The following SMARCC1 variants were observed in gnomAD, a reference collection of about 807,000 sequenced individuals.
The protein encoded by SMARCC1 is SWI/SNF related BAF chromatin remodeling complex subunit C1.
A neutral mutation model predicts 147.4 loss-of-function variants in SMARCC1; 43 were observed. The observed-to-expected ratio is 0.29, with a 90% CI of 0.23 to 0.38. The LOEUF (loss-of-function observed/expected upper bound fraction) is 0.38, where lower values mean the gene tolerates loss of function less well. Among genes scored for constraint, SMARCC1 ranks in the 10% least tolerant of loss-of-function variants. The probability of loss-of-function intolerance (pLI) is 1.00; values close to 1 mark genes in which losing one functional copy is unlikely to be tolerated. For synonymous variants in SMARCC1, 495 were observed against 484.4 expected (o/e 1.02, Z -0.29); for missense variants, 1,119 against 1,381.1 (o/e 0.81, Z 3.01).
At chr3:47,641,224 T>C (rs970572400) in intron 21 of SMARCC1, among the ~76,000 whole-genome samples, 1 of 152,210 alleles carries the variant, frequency 6.6e-6, no homozygotes, top group African/African-American at 2.4e-5. Context: ...TGGTGGCTCA[T>C]GCCTGTAATC....
intron 21 of SMARCC1, among the ~76,000 whole-genome samples, chr3:47,649,965 A>G (rs1391145115): frequency 6.6e-6 from 1 of 152,200 alleles, no homozygotes; most frequent in Non-Finnish European, 1.5e-5. Flanking sequence ...AGAATCATCG[A>G]ATGTCTTCAA....
At chr3:47,603,345 C>T (rs1482473597) in intron 26 of SMARCC1, 1 of 152,066 alleles carries the variant, frequency 6.6e-6, no homozygotes, top group Non-Finnish European at 1.5e-5. Context: ...TTGCTTTAAC[C>T]TGGGAGGTAG....
chr3:47,718,162 A>AG (rs2034181995), intron 7 of SMARCC1, among the ~76,000 whole-genome samples: 1 of 131,646 alleles, frequency 7.6e-6, no homozygotes, highest in African/African-American at 2.6e-5. Context: ...AAAAAAAAAA[A>AG]GGCCAGGCAC....
At position 47,585,941 on chromosome 3, in the gene SMARCC1, C is replaced by A. The variant is rs192429520; in HGVS notation, c.*2268G>T. ...TCACTGAAAAAGAGAGAGATTAGGCCTTCTTCATTCATTTTCTCCATTCTT... is the reference window on the plus strand; with the variant it reads ...TCACTGAAAAAGAGAGAGATTAGGCATTCTTCATTCATTTTCTCCATTCTT... On this transcript the variant is annotated 3_prime_UTR_variant, in exon 28 of 28. Coordinates refer to ENST00000254480, the MANE Select transcript of SMARCC1 (RefSeq NM_003074.4). 6.6e-6 allele frequency: 1 copy of A among 152,502 alleles called. No homozygotes were observed. The highest frequency in any genetic ancestry group is 1.5e-5 in the Non-Finnish European group (1 of 68,022). 9.4% of individuals were successfully genotyped at this position (152,502 alleles called of 1,614,324 possible).
At chr3:47,773,538 C>T (rs1238897171) in intron 1 of SMARCC1, among the ~76,000 whole-genome samples, 1 of 151,522 alleles carries the variant, frequency 6.6e-6, no homozygotes, top group African/African-American at 2.4e-5. Context: ...GGTAACACAA[C>T]AAGAAAAGAA....
At chr3:47,651,294 A>G (rs568982505) in intron 21 of SMARCC1, among the ~76,000 whole-genome samples, 5 of 152,294 alleles carry the variant, frequency 3.3e-5, no homozygotes, top group African/African-American at 1.2e-4. Flanking sequence ...ACAGAGTGAA[A>G]CCCTGTCTCA....
chr3:47,636,107 A>C lies in SMARCC1; in HGVS notation c.2406T>G (p.Asp802Glu), dbSNP rs535643457. The C allele has an allele frequency of 5.5e-5, 88 of 1,607,144 alleles. No homozygotes were observed. The highest frequency in any genetic ancestry group is 7.3e-5 in the Non-Finnish European group (86 of 1,175,096). The change falls in exon 23 of 28, where the codon GAT (aspartate) becomes GAG (glutamate). Residue 802 changes from aspartate to glutamate, a missense_variant. By Grantham distance (45) the Asp-to-Glu change is conservative. Transcript: ENST00000254480. ...KAENKVENETDEGDKAQDGEN... is the reference protein window; with the variant it reads ...KAENKVENETEEGDKAQDGEN... ...CTCCATCTTGTGCTTTATCACCTTC[A>C]TCCGTTTCATTTTCCACTTTATTTT...
chr3:47,727,106 G>C (rs564156433), intron 6 of SMARCC1, among the ~76,000 whole-genome samples: 1 of 151,852 alleles, frequency 6.6e-6, no homozygotes, highest in African/African-American at 2.4e-5. Flanking sequence ...CCAGCTACTC[G>C]GGAGGCTGAG....
intron 24 of SMARCC1, 119 bp downstream of exon 24, chr3:47,635,071 C>T: frequency 1.2e-6 from 1 of 820,740 alleles, no homozygotes; most frequent in Non-Finnish European, 2.0e-6. Flanking sequence ...AAATGCCATT[C>T]AAGCAGTCAT....
intron 8 of SMARCC1, among the ~76,000 whole-genome samples, chr3:47,712,678 C>T (rs867823881): frequency 2.0e-5 from 3 of 152,244 alleles, no homozygotes; most frequent in Non-Finnish European, 4.4e-5. Context: ...TATTTACACT[C>T]CTAATTAGAG....
intron 25 of SMARCC1, among the ~76,000 whole-genome samples, chr3:47,615,818 G>T (rs895884251): frequency 6.6e-6 from 1 of 152,116 alleles, no homozygotes; most frequent in Non-Finnish European, 1.5e-5. Context: ...TGAATAGCTG[G>T]AATTACAGGT....
intron 26 of SMARCC1, among the ~76,000 whole-genome samples, chr3:47,596,468 TGAGGC>T (rs2032283769): frequency 6.6e-6 from 1 of 151,402 alleles, no homozygotes; most frequent in Non-Finnish European, 1.5e-5. Context: ...CTCGGGAGGC[TGAGGC>T]AGGGAATTGC....
At chr3:47,664,560 G>A (rs1017675636) in intron 19 of SMARCC1, among the ~76,000 whole-genome samples, 11 of 152,108 alleles carry the variant, frequency 7.2e-5, no homozygotes, top group African/African-American at 1.4e-4. Flanking sequence ...AGGGAAAAAC[G>A]GATAGAACAG....
intron 19 of SMARCC1, among the ~76,000 whole-genome samples, chr3:47,668,448 C>T (rs983366438): frequency 1.3e-5 from 2 of 152,142 alleles, no homozygotes; most frequent in African/African-American, 2.4e-5. Context: ...CTTCATCTAT[C>T]GTATACATTC....
chr3:47,755,926 G>T (rs1415326364), intron 2 of SMARCC1, among the ~76,000 whole-genome samples: 1 of 146,412 alleles, frequency 6.8e-6, no homozygotes, highest in African/African-American at 2.5e-5. Flanking sequence ...GGAGGCGGAG[G>T]TTACGGTGAG....
intron 13 of SMARCC1, among the ~76,000 whole-genome samples, chr3:47,687,390 A>G (rs2033738873): frequency 6.6e-6 from 1 of 152,232 alleles, no homozygotes; most frequent in African/African-American, 2.4e-5. Flanking sequence ...TTCAGAAAAA[A>G]CAGGAAGAGG....
chr3:47,689,495 G>C, intron 12 of SMARCC1, 71 bp from the exon 13 acceptor site: 3 of 1,313,484 alleles, frequency 2.3e-6, no homozygotes, highest in Admixed American at 1.7e-5. Flanking sequence ...GAAAATTAAT[G>C]GTCTAAGAAC....
At position 47,726,061 on chromosome 3, in the gene SMARCC1, C is replaced by CAAAAAAAAGAAAAAAAAAAAAAA. The variant is rs2034296203; in HGVS notation, c.646+2963_646+2964insTTTTTTTTTTTTTTCTTTTTTTT. ...TGGGTAGAAGAGTGAGACTCTGTCT[C>CAAAAAAAAGAAAAAAAAAAAAAA]AAAAAAAAAAAAAAAAAAAAGGTGA... On this transcript the variant is annotated intron_variant, in intron 6 of 27. Coordinates refer to ENST00000254480, the MANE Select transcript of SMARCC1 (RefSeq NM_003074.4). Among the ~76,000 whole-genome samples the CAAAAAAAAGAAAAAAAAAAAAAA allele has an allele frequency of 3.9e-5, 2 of 50,782 alleles. 1 individual carries two copies. Among genetic ancestry groups the CAAAAAAAAGAAAAAAAAAAAAAA allele is most frequent in the Non-Finnish European group, 6.9e-5 (2 of 28,962 alleles). 33.3% of individuals were successfully genotyped at this position (50,782 alleles called of 152,430 possible).
chr3:47,770,577 T>C (rs1054805559), intron 2 of SMARCC1, among the ~76,000 whole-genome samples: 10 of 152,088 alleles, frequency 6.6e-5, no homozygotes, highest in Middle Eastern at 3.4e-3. Flanking sequence ...GAGCTGAAAT[T>C]GCACCACTGC....
Sources: gnomAD v4.1 joint callset for allele counts (sites outside exome capture counted in the v4.1 genomes callset) on GRCh38, gnomAD v4.1.1 for gene constraint, MANE v1.5 for transcripts, NCBI Gene and HGNC (gene_info 2026-07-23, HGNC 2026-07-21) for gene names.